Variants in CHIC2 observed in about 807,000 individuals in gnomAD.
CHIC2 encodes cysteine rich hydrophobic domain 2.
CHIC2 carries 14 observed loss-of-function variants against 25.9 expected under a neutral mutation model. The ratio of observed to expected loss-of-function variants is 0.54; its 90% CI spans 0.36 to 0.85. The LOEUF (loss-of-function observed/expected upper bound fraction) is 0.85, where lower values mean the gene tolerates loss of function less well. CHIC2 is among the 40% of genes least tolerant of loss of function. The pLI is 0.01. For synonymous variants in CHIC2, 70 were observed against 72.0 expected, an observed-to-expected ratio of 0.97 and a Z score of 0.14; for missense variants, 146 against 202.0, an observed-to-expected ratio of 0.72 and a Z score of 1.68.
At chr4:54,033,301 A>T (rs950218443) in intron 3 of CHIC2, among the ~76,000 whole-genome samples, 1 of 152,164 alleles carries the variant, frequency 6.6e-6, no homozygotes, top group African/African-American at 2.4e-5. Flanking sequence ...ATGGTTAGTG[A>T]TGTTGAGCAT....
At chr4:54,085,609 CTT>C in the CHIC2 span, among the ~76,000 whole-genome samples, 1 of 152,230 alleles carries the variant, frequency 6.6e-6, no homozygotes, top group Non-Finnish European at 1.5e-5. Flanking sequence ...GACAATATCT[CTT>C]GTTTTCAACC....
intron 5 of CHIC2, among the ~76,000 whole-genome samples, chr4:54,012,351 T>C (rs181245050): frequency 1.0e-3 from 155 of 152,254 alleles, no homozygotes; most frequent in Admixed American, 1.9e-3. Flanking sequence ...TGCTTAATTA[T>C]CTAAAAATTC....
chr4:54,042,717 G>A (rs761441082), intron 3 of CHIC2, among the ~76,000 whole-genome samples: 18 of 151,296 alleles, frequency 1.2e-4, no homozygotes, highest in Non-Finnish European at 2.5e-4. Flanking sequence ...ATCCAGAGAC[G>A]AAAAAATGTT....
chr4:54,082,434 CA>C, the CHIC2 span, among the ~76,000 whole-genome samples: 1 of 152,180 alleles, frequency 6.6e-6, no homozygotes, highest in Non-Finnish European at 1.5e-5. Flanking sequence ...AAAGTTGACT[CA>C]GTCAGAAAAC....
At chr4:54,069,359 C>T (rs553826443), upstream of CHIC2, among the ~76,000 whole-genome samples, 1 of 152,302 alleles carries the variant, frequency 6.6e-6, no homozygotes, top group Non-Finnish European at 1.5e-5. Flanking sequence ...TACAAATAAA[C>T]AGCCAGATGA....
chr4:54,043,888 T>C (rs894301134), intron 3 of CHIC2, among the ~76,000 whole-genome samples: 1 of 152,172 alleles, frequency 6.6e-6, no homozygotes, highest in African/African-American at 2.4e-5. Context: ...GACCCATCAG[T>C]GTGCTGTATT....
At chr4:54,077,112 T>C in the CHIC2 span, among the ~76,000 whole-genome samples, 1 of 152,256 alleles carries the variant, frequency 6.6e-6, no homozygotes, top group Non-Finnish European at 1.5e-5. Context: ...ATATGACAAG[T>C]ACTCAACGTT....
chr4:54,035,219 T>C (rs1716347831), intron 3 of CHIC2, among the ~76,000 whole-genome samples: 1 of 152,174 alleles, frequency 6.6e-6, no homozygotes, highest in African/African-American at 2.4e-5. Context: ...AATATCTCTG[T>C]CTGGTTTTGG....
the CHIC2 span, among the ~76,000 whole-genome samples, chr4:54,090,343 G>A: frequency 3.9e-5 from 6 of 152,040 alleles, no homozygotes; most frequent in African/African-American, 9.6e-5. Flanking sequence ...GTACCACCAC[G>A]CTGGCTAATT....
chr4:54,086,448 A>G, the CHIC2 span, among the ~76,000 whole-genome samples: 8 of 152,306 alleles, frequency 5.3e-5, no homozygotes, highest in African/African-American at 1.9e-4. Context: ...CTTTGAAATA[A>G]TAATGGCCCT....
chr4:54,048,724 C>T, intron 3 of CHIC2: 1 of 336,380 alleles, frequency 3.0e-6, no homozygotes, highest in South Asian at 6.7e-5. Flanking sequence ...CAGACAATGC[C>T]ATACACTACT....
intron 3 of CHIC2, among the ~76,000 whole-genome samples, chr4:54,037,837 T>C (rs1458268969): frequency 6.6e-6 from 1 of 151,788 alleles, no homozygotes; most frequent in Non-Finnish European, 1.5e-5. Flanking sequence ...CACAAATACT[T>C]TGAACCAAAA....
intron 3 of CHIC2, among the ~76,000 whole-genome samples, chr4:54,028,834 T>G (rs906475077): frequency 6.6e-6 from 1 of 152,158 alleles, no homozygotes; most frequent in African/African-American, 2.4e-5. Context: ...GGTGCAAAAG[T>G]CAAACATCGA....
At chr4:54,049,145 A>G (rs1716922438) in intron 2 of CHIC2, 35 bp from the exon 3 acceptor site, 4 of 1,577,984 alleles carry the variant, frequency 2.5e-6, no homozygotes, top group African/African-American at 2.7e-5. Context: ...TAACAATGCA[A>G]TATTAATGTC....
At chr4:54,090,189 A>G in the CHIC2 span, among the ~76,000 whole-genome samples, 3 of 151,490 alleles carry the variant, frequency 2.0e-5, no homozygotes, top group Admixed American at 2.0e-4. Context: ...ATTTTATTTT[A>G]TATATATATA....
intron 1 of CHIC2, among the ~76,000 whole-genome samples, chr4:54,054,931 C>T (rs1161546793): frequency 1.3e-5 from 2 of 152,002 alleles, no homozygotes; most frequent in Non-Finnish European, 2.9e-5. Context: ...GATCACCAGA[C>T]AAGTAATGAT....
chr4:54,068,102 G>C (rs1717554962), upstream of CHIC2, among the ~76,000 whole-genome samples: 1 of 152,114 alleles, frequency 6.6e-6, no homozygotes, highest in South Asian at 2.1e-4. Context: ...TGGGGACACA[G>C]CAAGAAGACA....
chr4:54,091,134 G>A, the CHIC2 span, among the ~76,000 whole-genome samples: 1 of 152,126 alleles, frequency 6.6e-6, no homozygotes, highest in African/African-American at 2.4e-5. Flanking sequence ...GGACCTCGAG[G>A]CAATACTGCC....
chr4:54,032,000 C>CTAGTT (rs1467219669), intron 3 of CHIC2, among the ~76,000 whole-genome samples: 2 of 152,104 alleles, frequency 1.3e-5, no homozygotes, highest in Non-Finnish European at 2.9e-5. Context: ...TCCAATCCAG[C>CTAGTT]TAGTTCTAGC....
Sources: gnomAD v4.1 joint callset for allele counts (sites outside exome capture counted in the v4.1 genomes callset) on GRCh38, gnomAD v4.1.1 for gene constraint, MANE v1.5 for transcripts, NCBI Gene and HGNC (gene_info 2026-07-23, HGNC 2026-07-21) for gene names.